Variants in ATP11B observed in about 807,000 individuals in gnomAD.
The protein encoded by ATP11B is phospholipid-transporting ATPase IF.
A neutral mutation model predicts 157.8 loss-of-function variants in ATP11B; 81 were observed. The ratio of observed to expected loss-of-function variants is 0.51; its 90% CI spans 0.43 to 0.62. ATP11B has a LOEUF of 0.62. Ranked by LOEUF, ATP11B falls within the 20% of genes least tolerant of loss-of-function variation. ATP11B has a pLI of 0.00. For missense variants in ATP11B, 1,165 were observed against 1,402.2 expected (o/e 0.83, Z 2.70); for synonymous variants, 451 against 469.4 (o/e 0.96, Z 0.51).
intron 1 of ATP11B, among the ~76,000 whole-genome samples, chr3:182,795,259 T>C (rs900678915): frequency 4.6e-5 from 7 of 152,222 alleles, no homozygotes; most frequent in Non-Finnish European, 8.8e-5. Context: ...GATTTGATCT[T>C]ATGCTTTTGA....
At chr3:182,818,321 A>G (rs1402335485) in intron 1 of ATP11B, among the ~76,000 whole-genome samples, 1 of 152,236 alleles carries the variant, frequency 6.6e-6, no homozygotes, top group South Asian at 2.1e-4. Flanking sequence ...TCATTTGTTC[A>G]CTTATTCATC....
intron 6 of ATP11B, 110 bp from the exon 7 acceptor site, chr3:182,836,961 T>C: frequency 1.4e-6 from 1 of 709,028 alleles, no homozygotes; most frequent in Non-Finnish European, 2.4e-6. Flanking sequence ...AGCTGAGTGA[T>C]CTCAAGTACA....
At chr3:182,879,458 A>G (rs771962657) in intron 19 of ATP11B, 38 bp from the exon 20 acceptor site, 2 of 1,532,726 alleles carry the variant, frequency 1.3e-6, no homozygotes, top group Non-Finnish European at 1.8e-6. Context: ...TATGGCTTCA[A>G]AGTATCTTAC....
intron 1 of ATP11B, among the ~76,000 whole-genome samples, chr3:182,814,088 G>A (rs1009020933): frequency 2.0e-5 from 3 of 151,822 alleles, no homozygotes; most frequent in African/African-American, 7.3e-5. Context: ...TTTGAGACGA[G>A]TTTTGCTCTT....
At chr3:182,913,722 A>G (rs1398368981) in intron 28 of ATP11B, 139 bp from the exon 29 acceptor site, 3 of 1,415,842 alleles carry the variant, frequency 2.1e-6, no homozygotes, top group Non-Finnish European at 9.7e-7. Flanking sequence ...AAAGCCTTTC[A>G]TATGTTTCCC....
At chr3:182,916,618 C>T (rs1725159420) in intron 29 of ATP11B, 1 of 984,372 alleles carries the variant, frequency 1.0e-6, no homozygotes, top group Admixed American at 6.2e-5. Flanking sequence ...ACTGTATCCT[C>T]ATCAAAACTA....
At chr3:182,823,756 G>A (rs530128859) in intron 2 of ATP11B, among the ~76,000 whole-genome samples, 28 of 152,120 alleles carry the variant, frequency 1.8e-4, no homozygotes, top group African/African-American at 6.5e-4. Context: ...GCCATGGAAT[G>A]TTCATCCATT....
chr3:182,867,796 C>T (rs1721360409), intron 15 of ATP11B, among the ~76,000 whole-genome samples: 1 of 152,062 alleles, frequency 6.6e-6, no homozygotes, highest in Non-Finnish European at 1.5e-5. Flanking sequence ...GTCTGAAACT[C>T]CTAGCCTCAA....
intron 29 of ATP11B, chr3:182,916,364 T>C (rs1725141490): frequency 1.0e-6 from 1 of 985,248 alleles, no homozygotes; most frequent in South Asian, 4.7e-5. Flanking sequence ...TGGGCATCAC[T>C]TGAGAAATGC....
At chr3:182,903,611 T>C (rs1318159494) in intron 28 of ATP11B, among the ~76,000 whole-genome samples, 1 of 152,236 alleles carries the variant, frequency 6.6e-6, no homozygotes, top group Non-Finnish European at 1.5e-5. Flanking sequence ...CAGATGAGTA[T>C]ACAAATGGGT....
chr3:182,897,342 C>G lies in ATP11B; in HGVS notation c.3088C>G (p.Leu1030Val). 3 of 1,588,124 alleles carry G rather than the reference C, an allele frequency of 1.9e-6. No individual in the cohort carries two copies. The highest frequency in any genetic ancestry group is 1.2e-5 in the South Asian group (1 of 84,966). The change falls in exon 27 of 30, where the codon CTC becomes GTC. Residue 1030 changes from leucine (L) to valine (V), a missense_variant. By Grantham distance (32) the Leu-to-Val change is conservative. This residue lies in a region of ATP11B where 303 missense variants were observed against 296.3 expected (regional missense o/e 1.02). Transcript: ENST00000323116. The stretch of plus-strand genomic sequence containing the variant: ...TCATTTTTGGACTTGGATCAACCAT[C>G]TCGTTACCTGGGGATCTATTATATT... ...ETHFWTWINH[L>V]VTWGSIIFYF...
intron 25 of ATP11B, among the ~76,000 whole-genome samples, chr3:182,895,210 T>TG (rs1723462752): frequency 6.6e-6 from 1 of 151,586 alleles, no homozygotes; most frequent in South Asian, 2.1e-4. Context: ...TGAGACCCAC[T>TG]GATCATCGGT....
In ATP11B at chr3:182,827,233, A is replaced by T. The variant is rs555191477; in HGVS notation, c.145-887A>T. On this transcript the variant is annotated intron_variant, in intron 2 of 29. Transcript: ENST00000323116. ...GAGTTGTAACACAAATAAAATTTGC[A>T]GCATATTATTCTGCCCTTGTAATAC... 1.1e-3 allele frequency among the ~76,000 whole-genome samples: 160 copies of T among 152,282 alleles called. 2 individuals carry two copies. The highest frequency in any genetic ancestry group is 3.5e-3 in the African/African-American group (147 of 41,568).
intron 28 of ATP11B, among the ~76,000 whole-genome samples, chr3:182,903,323 C>T (rs970650681): frequency 2.0e-5 from 3 of 152,146 alleles, no homozygotes; most frequent in African/African-American, 4.8e-5. Flanking sequence ...TTCTTAATCA[C>T]GTATTTTTTA....
chr3:182,884,255 T>A (rs1436331009), intron 21 of ATP11B, among the ~76,000 whole-genome samples: 1 of 152,118 alleles, frequency 6.6e-6, no homozygotes. Flanking sequence ...TAAAAATTTA[T>A]TTATTTTAAA....
At chr3:182,857,566 A>AC (rs1277585219) in intron 10 of ATP11B, among the ~76,000 whole-genome samples, 1 of 147,444 alleles carries the variant, frequency 6.8e-6, no homozygotes, top group Non-Finnish European at 1.5e-5. Context: ...GAAAATGTAA[A>AC]AAAAAAAAAA....
intron 13 of ATP11B, among the ~76,000 whole-genome samples, 179 bp downstream of exon 13, chr3:182,865,877 T>A (rs1448757816): frequency 6.6e-6 from 1 of 152,220 alleles, no homozygotes; most frequent in Non-Finnish European, 1.5e-5. Context: ...CAGCCCAGTT[T>A]AACTTGTTAT....
At chr3:182,914,503 C>T in intron 29 of ATP11B, 1 of 985,294 alleles carries the variant, frequency 1.0e-6, no homozygotes. Context: ...TTTCTGCTCC[C>T]CTACCTCTTC....
At chr3:182,833,114 A>T (rs1401356176) in intron 4 of ATP11B, among the ~76,000 whole-genome samples, 1 of 152,168 alleles carries the variant, frequency 6.6e-6, no homozygotes, top group African/African-American at 2.4e-5. Flanking sequence ...TGGATTACTA[A>T]GCTGAATATA....
Sources: allele counts gnomAD v4.1 joint callset (sites outside exome capture counted in the v4.1 genomes callset), GRCh38; gene constraint gnomAD v4.1.1; regional missense constraint gnomAD v4.1.1; transcripts MANE v1.5; gene names NCBI Gene and HGNC (gene_info 2026-07-23, HGNC 2026-07-21).